Variants in MPDZ observed in about 807,000 individuals in gnomAD.
MPDZ encodes the protein multiple PDZ domain protein.
Under a neutral mutation model 239.1 loss-of-function variants are expected in MPDZ, and 234 were observed. The observed-to-expected ratio is 0.98, with a 90% CI of 0.88 to 1.09. The LOEUF is 1.09. MPDZ is among the 50% of genes least tolerant of loss of function. The pLI is 0.00. For synonymous variants in MPDZ, 1,048 were observed against 881.3 expected, an observed-to-expected ratio of 1.19 and a Z score of -3.35; for missense variants, 3,175 against 2,510.0, an observed-to-expected ratio of 1.26 and a Z score of -5.66.
chr9:13,260,395 C>G (rs575411590), intron 1 of MPDZ, among the ~76,000 whole-genome samples: 3 of 152,206 alleles, frequency 2.0e-5, no homozygotes, highest in African/African-American at 7.2e-5. Flanking sequence ...GGATAAATCC[C>G]ACCTTTCCGG....
chr9:13,160,994 T>C (rs982887161), intron 23 of MPDZ, among the ~76,000 whole-genome samples: 7 of 150,956 alleles, frequency 4.6e-5, no homozygotes, highest in African/African-American at 1.7e-4. Flanking sequence ...ATATAAGGGA[T>C]TGAGCATCTG....
intron 32 of MPDZ, 132 bp downstream of exon 32, chr9:13,133,692 T>A: frequency 5.3e-6 from 3 of 570,222 alleles, no homozygotes; most frequent in Non-Finnish European, 9.3e-6. Context: ...GCCCAAGTAT[T>A]TGCAGTTCTA....
chr9:13,240,283 C>T (rs927319066), intron 3 of MPDZ, among the ~76,000 whole-genome samples: 2 of 151,900 alleles, frequency 1.3e-5, no homozygotes, highest in Non-Finnish European at 2.9e-5. Flanking sequence ...TATTTTGCCA[C>T]ATTCTCTCTC....
At position 13,119,479 on chromosome 9, in the gene MPDZ, G is replaced by T. The variant is rs764878700; in HGVS notation, c.5379+23C>A. The T allele has an allele frequency of 3.1e-6, 5 of 1,603,396 alleles. No individual in the cohort carries two copies. In the East Asian group the frequency reaches 1.1e-4, roughly 36 times the overall value. On this transcript the variant is annotated intron_variant, in intron 39 of 46. Coordinates refer to ENST00000319217, the MANE Select transcript of MPDZ (RefSeq NM_001378778.1). The stretch of plus-strand genomic sequence containing the variant: ...CTTTTTTCTTCTACGCTATTACACA[G>T]AATTATTTTTTGCATTTTTTACCTT...
At chr9:13,116,305 T>C (rs1943436600) in intron 39 of MPDZ, among the ~76,000 whole-genome samples, 1 of 152,194 alleles carries the variant, frequency 6.6e-6, no homozygotes, top group Non-Finnish European at 1.5e-5. Flanking sequence ...TAATGGATGT[T>C]TAACCTTAAT....
chr9:13,196,141 C>T lies in MPDZ; in HGVS notation c.1636G>A (p.Gly546Arg). ...CCTACCACTATTTCATAGTTAATTCCCATAATCCTTTGCCATTTTGTCAGC... is the reference window on the plus strand; with the variant it reads ...CCTACCACTATTTCATAGTTAATTCTCATAATCCTTTGCCATTTTGTCAGC... ...ALLTKWQRIM[G>R]INYEIVVAHV... The change falls in exon 13 of 47, where the codon GGA (glycine) becomes AGA (arginine). Residue 546 changes from glycine (G) to arginine (R), a missense_variant. Coordinates refer to ENST00000319217, the MANE Select transcript of MPDZ (RefSeq NM_001378778.1). 1 of 1,599,920 alleles carries T rather than the reference C, an allele frequency of 6.3e-7. No individual in the cohort carries two copies.
chr9:13,229,434 G>T (rs952920889), intron 3 of MPDZ, among the ~76,000 whole-genome samples: 1 of 151,358 alleles, frequency 6.6e-6, no homozygotes, highest in African/African-American at 2.4e-5. Context: ...GAGCAAAAAG[G>T]TATCTAATCT....
At chr9:13,179,248 A>G (rs1952947831) in intron 19 of MPDZ, among the ~76,000 whole-genome samples, 1 of 152,196 alleles carries the variant, frequency 6.6e-6, no homozygotes, top group Non-Finnish European at 1.5e-5. Context: ...CCCAACTTTG[A>G]TAATTTTATT....
At chr9:13,238,369 AAAC>A (rs1209832653) in intron 3 of MPDZ, among the ~76,000 whole-genome samples, 2 of 152,208 alleles carry the variant, frequency 1.3e-5, no homozygotes, top group African/African-American at 2.4e-5. Context: ...CGAACCGTGT[AAAC>A]AACATCACAC....
chr9:13,133,886 T>C lies in MPDZ; in HGVS notation c.4402A>G (p.Thr1468Ala), dbSNP rs753428524. 5 of 1,590,626 alleles carry C rather than the reference T, an allele frequency of 3.1e-6. No homozygotes were observed. Among genetic ancestry groups the C allele is most frequent in the Admixed American group, 3.4e-5 (2 of 58,020 alleles). The part of the protein sequence containing the change: ...QNKETEPTVT[T>A]SDAAVDLSSF... Reference sequence around the variant, plus strand: ...CTGAGGTCCACAGCTGCATCAGAAGTAGTAACAGTTGGCTCTGTCTGACAG... The same window carrying C: ...CTGAGGTCCACAGCTGCATCAGAAGCAGTAACAGTTGGCTCTGTCTGACAG... The change falls in exon 32 of 47, where the codon ACT (threonine) becomes GCT (alanine). Residue 1468 changes from threonine to alanine, a missense_variant. Transcript: ENST00000319217.
rs183340775 is a variant in MPDZ, at chr9:13,132,645, T to A, written c.4464+1179A>T. 2.6e-5 allele frequency among the ~76,000 whole-genome samples: 4 copies of A among 152,310 alleles called. No homozygotes were observed. The East Asian group carries it at 7.7e-4, about 29-fold the overall frequency. On this transcript the variant is annotated intron_variant, in intron 32 of 46. Coordinates refer to ENST00000319217, the MANE Select transcript of MPDZ (RefSeq NM_001378778.1). ...AATAATAGCAAGCACTATTTGTATA[T>A]GTGTGCCAGGTGCTGGAAACTGAAC...
intron 1 of MPDZ, among the ~76,000 whole-genome samples, chr9:13,264,506 T>C (rs1564161976): frequency 6.6e-6 from 1 of 152,174 alleles, no homozygotes; most frequent in Non-Finnish European, 1.5e-5. Context: ...AAATCAGTGG[T>C]GTGTCTGGGA....
chr9:13,222,344 G>C lies in MPDZ; in HGVS notation c.636C>G (p.Ala212=). The change falls in exon 6 of 47, where the codon GCC becomes GCG. Residue 212 remains alanine, a synonymous_variant. Transcript: ENST00000319217. ...HQQAISILQK[A]KDTVQLVIAR... ...CAATAACTAGCTGGACAGTATCTTT[G>C]GCTTTCTGCAGGATGCTGATAGCCT... The C allele has an allele frequency of 6.2e-7, 1 of 1,612,944 alleles. No homozygotes were observed. The highest frequency in any genetic ancestry group is 8.5e-7 in the Non-Finnish European group (1 of 1,179,308).
chr9:13,217,318 C>G, intron 8 of MPDZ, 24 bp from the exon 9 acceptor site: 1 of 1,402,824 alleles, frequency 7.1e-7, no homozygotes, highest in East Asian at 2.4e-5. Context: ...AATAAATATA[C>G]AGTGAAATAA....
intron 21 of MPDZ, among the ~76,000 whole-genome samples, chr9:13,174,982 G>A (rs1043843647): frequency 1.3e-5 from 2 of 152,064 alleles, no homozygotes; most frequent in East Asian, 1.9e-4. Flanking sequence ...TCAGTGTAAC[G>A]GGTAGTGGTT....
chr9:13,247,336 C>T (rs559546154), intron 3 of MPDZ, among the ~76,000 whole-genome samples: 228 of 152,292 alleles, frequency 1.5e-3, no homozygotes, highest in Non-Finnish European at 2.9e-3. Flanking sequence ...GAAACTAAGT[C>T]TACAGCCAAC....
At chr9:13,194,589 A>C (rs1308917365) in intron 13 of MPDZ, among the ~76,000 whole-genome samples, 1 of 152,084 alleles carries the variant, frequency 6.6e-6, no homozygotes, top group Non-Finnish European at 1.5e-5. Flanking sequence ...ATAAATACCT[A>C]ATGCATGCAG....
At chr9:13,186,165 T>C (rs1587623653) in intron 18 of MPDZ, 105 bp downstream of exon 18, 2 of 532,226 alleles carry the variant, frequency 3.8e-6, no homozygotes, top group Non-Finnish European at 3.0e-6. Flanking sequence ...TTTCCAAATA[T>C]AATAATGAAC....
At chr9:13,148,394 C>T (rs1225249712) in intron 25 of MPDZ, among the ~76,000 whole-genome samples, 1 of 151,942 alleles carries the variant, frequency 6.6e-6, no homozygotes, top group Non-Finnish European at 1.5e-5. Context: ...ATGTTAGTAT[C>T]ATTTTATCAT....
Sources: allele counts gnomAD v4.1 joint callset (sites outside exome capture counted in the v4.1 genomes callset), GRCh38; gene constraint gnomAD v4.1.1; transcripts MANE v1.5; gene names NCBI Gene and HGNC (gene_info 2026-07-23, HGNC 2026-07-21).